Variants in ATP11A observed in about 807,000 individuals in gnomAD.
The protein encoded by ATP11A is ATPase phospholipid transporting 11A.
Under a neutral mutation model 154.4 loss-of-function variants are expected in ATP11A, and 81 were observed. The ratio of observed to expected loss-of-function variants is 0.52; its 90% CI spans 0.44 to 0.63. ATP11A has a LOEUF of 0.63. Among genes scored for constraint, ATP11A ranks in the 30% least tolerant of loss-of-function variants. The pLI is 0.00. For missense variants in ATP11A, 1,316 were observed against 1,474.3 expected (o/e 0.89, Z 1.76); for synonymous variants, 623 against 585.9 (o/e 1.06, Z -0.91).
In ATP11A at chr13:112,878,209, GGACTAA is replaced by G; in HGVS notation, c.3329_3334del. On this transcript the variant is annotated splice_acceptor_variant and splice_polypyrimidine_tract_variant and intron_variant, in intron 28 of 29. Coordinates refer to ENST00000375645, the MANE Select transcript of ATP11A (RefSeq NM_015205.3). Reference sequence around the variant, plus strand: ...CCTGTGTGCGTGGCCGCTGACCTCGGGACTAAGACTAAGAGCCAGTGCCTTTCTGTC... The same window carrying G: ...CCTGTGTGCGTGGCCGCTGACCTCGGGACTAAGAGCCAGTGCCTTTCTGTC... 4 of 1,613,966 alleles carry G rather than the reference GGACTAA, an allele frequency of 2.5e-6. No individual in the cohort carries two copies. Among genetic ancestry groups the G allele is most frequent in the Admixed American group, 1.7e-5 (1 of 60,006 alleles).
At position 112,882,196 on chromosome 13, in the gene ATP11A, G is replaced by A; in HGVS notation, c.*330G>A. Reference sequence around the variant, plus strand: ...CTGGACCCAGCACTGTGGTTGTTGAGCCACACCAGTGGCCTCTGGGCATTC... The same window carrying A: ...CTGGACCCAGCACTGTGGTTGTTGAACCACACCAGTGGCCTCTGGGCATTC... On this transcript the variant is annotated 3_prime_UTR_variant, in exon 30 of 30. Transcript: ENST00000375645. This position sits in a 1 kb window ranked among gnomAD's most constrained non-coding sequence, Gnocchi z 5.1. 8.5e-7 allele frequency: 1 copy of A among 1,171,760 alleles called. No homozygotes were observed. Among genetic ancestry groups the A allele is most frequent in the Non-Finnish European group, 1.1e-6 (1 of 887,334 alleles). 72.6% of individuals were successfully genotyped at this position (1,171,760 alleles called of 1,614,324 possible). A position where few individuals can be genotyped will look rare whatever the true frequency, so the allele number is the denominator to read the frequency against.
intron 1 of ATP11A, among the ~76,000 whole-genome samples, chr13:112,700,929 C>T (rs958491199): frequency 6.6e-6 from 1 of 152,230 alleles, no homozygotes; most frequent in Admixed American, 6.5e-5. Context: ...GGACCTGCTT[C>T]TCTCGCCCAC....
chr13:112,747,930 C>G (rs534485687), intron 1 of ATP11A, among the ~76,000 whole-genome samples: 1 of 152,290 alleles, frequency 6.6e-6, no homozygotes, highest in African/African-American at 2.4e-5. Context: ...ATTTGAGCAT[C>G]CCTCATTCCA....
intron 1 of ATP11A, among the ~76,000 whole-genome samples, chr13:112,731,634 G>A (rs1200850078): frequency 6.6e-6 from 1 of 152,208 alleles, no homozygotes; most frequent in Non-Finnish European, 1.5e-5. Context: ...AGGTACTGCT[G>A]TCCCCAAGGA....
intron 12 of ATP11A, among the ~76,000 whole-genome samples, chr13:112,830,570 C>T (rs1159930046): frequency 1.3e-5 from 2 of 151,904 alleles, no homozygotes; most frequent in Non-Finnish European, 2.9e-5. Context: ...GGTGAGACTC[C>T]GTCTCAAAAA....
intron 1 of ATP11A, among the ~76,000 whole-genome samples, chr13:112,710,269 T>C (rs1887593051): frequency 6.6e-6 from 1 of 152,180 alleles, no homozygotes; most frequent in Non-Finnish European, 1.5e-5. Context: ...TCACAAAGAA[T>C]GCATCGTGTT....
intron 1 of ATP11A, among the ~76,000 whole-genome samples, chr13:112,709,378 A>T (rs1428511583): frequency 6.6e-6 from 1 of 152,218 alleles, no homozygotes; most frequent in Non-Finnish European, 1.5e-5. Flanking sequence ...CTTGTGGGAA[A>T]AATCCACATT....
At chr13:112,735,156 A>G (rs971423454) in intron 1 of ATP11A, among the ~76,000 whole-genome samples, 1 of 152,260 alleles carries the variant, frequency 6.6e-6, no homozygotes, top group Non-Finnish European at 1.5e-5. Flanking sequence ...AAGGCACTCC[A>G]TAGATACACT....
At chr13:112,756,293 G>A (rs150633724) in intron 1 of ATP11A, among the ~76,000 whole-genome samples, 1 of 152,324 alleles carries the variant, frequency 6.6e-6, no homozygotes, top group African/African-American at 2.4e-5. Flanking sequence ...AAATAACTAA[G>A]GGTCATGTCC....
In ATP11A at chr13:112,698,140, G is replaced by A. The variant is rs145999947; in HGVS notation, c.39+7685G>A. Among the ~76,000 whole-genome samples the A allele has an allele frequency of 6.4e-4, 97 of 152,236 alleles. No homozygotes were observed. In the East Asian group the frequency reaches 0.018, roughly 29 times the overall value. ...TTGCTGACATTTGAACACAGAGGAC[G>A]GCACATACATCCCCACATTTCCCCA... On this transcript the variant is annotated intron_variant, in intron 1 of 29. Coordinates refer to ENST00000375645, the MANE Select transcript of ATP11A (RefSeq NM_015205.3).
intron 5 of ATP11A, among the ~76,000 whole-genome samples, chr13:112,812,807 C>T (rs1054111026): frequency 2.6e-5 from 4 of 152,184 alleles, no homozygotes; most frequent in Admixed American, 6.5e-5. Flanking sequence ...CCCTAGAGGT[C>T]GGGGGTTCAG....
intron 16 of ATP11A, among the ~76,000 whole-genome samples, chr13:112,841,806 T>C (rs2079428666): frequency 6.6e-6 from 1 of 152,236 alleles, no homozygotes; most frequent in African/African-American, 2.4e-5. Context: ...TTACTGGACG[T>C]GTGGGAAAAA....
chr13:112,732,432 GTC>G (rs1198232572), intron 1 of ATP11A, among the ~76,000 whole-genome samples: 2 of 151,760 alleles, frequency 1.3e-5, no homozygotes, highest in Non-Finnish European at 2.9e-5. Context: ...CTCCAGCTGT[GTC>G]TCTCTCCATC....
chr13:112,880,671 G>T, intron 29 of ATP11A: 1 of 1,279,152 alleles, frequency 7.8e-7, no homozygotes, highest in Non-Finnish European at 1.0e-6. Context: ...GCTGCTGGAC[G>T]CCGCCCGTGT....
chr13:112,700,391 C>T (rs1404172019), intron 1 of ATP11A, among the ~76,000 whole-genome samples: 2 of 152,144 alleles, frequency 1.3e-5, no homozygotes, highest in South Asian at 2.1e-4. Flanking sequence ...GGCTGCCGTC[C>T]GGCATGTCTG....
chr13:112,778,710 G>A (rs867046034), intron 1 of ATP11A, among the ~76,000 whole-genome samples: 3,465 of 71,260 alleles, frequency 0.049, no homozygotes, highest in African/African-American at 0.082. Flanking sequence ...AGGAGTAGCC[G>A]CTGGAGTGAG....
intron 1 of ATP11A, among the ~76,000 whole-genome samples, chr13:112,699,875 T>A (rs1047491491): frequency 6.6e-6 from 1 of 152,058 alleles, no homozygotes; most frequent in Non-Finnish European, 1.5e-5. Flanking sequence ...TTGTCCTGGG[T>A]GGTGAGGATC....
At chr13:112,809,488 C>A (rs976535388) in intron 4 of ATP11A, among the ~76,000 whole-genome samples, 2 of 152,182 alleles carry the variant, frequency 1.3e-5, no homozygotes, top group Admixed American at 6.5e-5. Flanking sequence ...CAGGCTCTTG[C>A]AACCTACCTG....
At chr13:112,820,744 ATCT>A (rs2078777194) in intron 8 of ATP11A, among the ~76,000 whole-genome samples, 1 of 152,234 alleles carries the variant, frequency 6.6e-6, no homozygotes, top group Non-Finnish European at 1.5e-5. Flanking sequence ...TTAAAGTTGC[ATCT>A]TCTTCATAAA....
Sources: allele counts gnomAD v4.1 joint callset (sites outside exome capture counted in the v4.1 genomes callset), GRCh38; gene constraint gnomAD v4.1.1; non-coding constraint Gnocchi (gnomAD v3.1); transcripts MANE v1.5; gene names NCBI Gene and HGNC (gene_info 2026-07-23, HGNC 2026-07-21).